Variants in CENPP observed in about 807,000 individuals in gnomAD.
CENPP encodes the protein centromere protein P.
A neutral mutation model predicts 35.6 loss-of-function variants in CENPP; 24 were observed. That is an observed-to-expected ratio of 0.67 (90% CI 0.49 to 0.95). The LOEUF (loss-of-function observed/expected upper bound fraction) is 0.95. Ranked by LOEUF, CENPP falls within the 40% of genes least tolerant of loss-of-function variation. The probability of loss-of-function intolerance (pLI) is 0.00; values close to 1 mark genes in which losing one functional copy is unlikely to be tolerated. For synonymous variants in CENPP, 120 were observed against 125.5 expected (o/e 0.96, Z 0.29); for missense variants, 332 against 345.3 (o/e 0.96, Z 0.31).
chr9:92,573,043 C>T (rs1245839695), intron 5 of CENPP, among the ~76,000 whole-genome samples: 4 of 152,118 alleles, frequency 2.6e-5, no homozygotes, highest in African/African-American at 9.7e-5. Context: ...CGAACATCCT[C>T]CTTTAGCTCA....
Position 92,355,264 on chromosome 9 carries a change from G to A in CENPP, c.467+9477G>A, listed in dbSNP as rs1208638732. 3.9e-5 allele frequency among the ~76,000 whole-genome samples: 6 copies of A among 152,194 alleles called. No individual in the cohort carries two copies. In the East Asian group the frequency reaches 1.2e-3, roughly 29 times the overall value. On this transcript the variant is annotated intron_variant, in intron 4 of 7. Coordinates refer to ENST00000375587, the MANE Select transcript of CENPP (RefSeq NM_001012267.3). ...GCATAAGACAGACATTCCCAGAGTG[G>A]CTGTTTATAGACCTCCCCCCAGGAA... is the stretch of plus-strand genomic sequence containing the variant.
chr9:92,377,809 G>A (rs934165096), intron 4 of CENPP, among the ~76,000 whole-genome samples: 40 of 152,154 alleles, frequency 2.6e-4, no homozygotes, highest in African/African-American at 8.2e-4. Flanking sequence ...CTATCCTGAG[G>A]CCAATGTGAA....
intron 5 of CENPP, among the ~76,000 whole-genome samples, chr9:92,416,052 A>ATGTGTG (rs1292606240): frequency 5.5e-5 from 5 of 90,670 alleles, no homozygotes; most frequent in African/African-American, 3.3e-5. Context: ...TATATTATAT[A>ATGTGTG]TGTGTGTATA....
At chr9:92,505,074 G>A (rs1379186853) in intron 5 of CENPP, among the ~76,000 whole-genome samples, 1 of 152,188 alleles carries the variant, frequency 6.6e-6, no homozygotes, top group Non-Finnish European at 1.5e-5. Flanking sequence ...GGCCTTCTTT[G>A]TACAACACTT....
chr9:92,567,397 G>GATAGATAGATAGAT (rs1318149536), intron 5 of CENPP, among the ~76,000 whole-genome samples: 1 of 51,584 alleles, frequency 1.9e-5, no homozygotes, highest in Non-Finnish European at 3.9e-5. Flanking sequence ...TATATATATA[G>GATAGATAGATAGAT]ATATATATAT....
At chr9:92,356,387 G>T (rs1467212830) in intron 4 of CENPP, among the ~76,000 whole-genome samples, 1 of 152,154 alleles carries the variant, frequency 6.6e-6, no homozygotes, top group Non-Finnish European at 1.5e-5. Context: ...GACCCCACAG[G>T]CAGTCAGACC....
intron 4 of CENPP, among the ~76,000 whole-genome samples, chr9:92,361,228 C>G (rs1841740159): frequency 2.0e-5 from 3 of 151,570 alleles, no homozygotes; most frequent in Middle Eastern, 6.8e-3. Context: ...GCAACCTCTG[C>G]CTCCCAGGCT....
Position 92,379,626 on chromosome 9 carries a change from A to G in CENPP, c.468-137A>G, listed in dbSNP as rs577126598. On this transcript the variant is annotated intron_variant, in intron 4 of 7. Coordinates refer to ENST00000375587, the MANE Select transcript of CENPP (RefSeq NM_001012267.3). ...CATACCAGAGGAACACACACACACA[A>G]GTGCAAGAATTGATATGTAGAACTA... 1.2e-4 allele frequency: 73 copies of G among 589,860 alleles called. No individual in the cohort carries two copies. In the South Asian group the frequency reaches 1.5e-3, roughly 12 times the overall value. 36.5% of individuals were successfully genotyped at this position (589,860 alleles called of 1,614,324 possible). A position where few individuals can be genotyped will look rare whatever the true frequency, so the allele number is the denominator to read the frequency against.
intron 4 of CENPP, among the ~76,000 whole-genome samples, chr9:92,378,059 A>T (rs1469840170): frequency 6.6e-6 from 1 of 152,126 alleles, no homozygotes; most frequent in African/African-American, 2.4e-5. Context: ...GAGATCAGAA[A>T]TGACATCCTT....
chr9:92,554,388 G>A (rs1849676567), intron 5 of CENPP, among the ~76,000 whole-genome samples: 1 of 152,056 alleles, frequency 6.6e-6, no homozygotes, highest in Non-Finnish European at 1.5e-5. Context: ...TCACCATTTT[G>A]GTCAGGCTGG....
intron 4 of CENPP, among the ~76,000 whole-genome samples, chr9:92,350,050 A>G (rs781534742): frequency 5.9e-5 from 9 of 152,182 alleles, no homozygotes; most frequent in Non-Finnish European, 1.2e-4. Flanking sequence ...GTCTGTTAAT[A>G]TTTTTGTGAA....
intron 5 of CENPP, among the ~76,000 whole-genome samples, chr9:92,497,188 TTAG>T (rs1407774129): frequency 6.6e-6 from 1 of 152,228 alleles, no homozygotes; most frequent in Non-Finnish European, 1.5e-5. Context: ...GGCATTATTT[TTAG>T]TAGTAAGAGT....
At position 92,619,693 on chromosome 9, in the gene CENPP, C is replaced by A. The variant is rs2296671; in HGVS notation, c.*6544C>A. 1.2e-6 allele frequency: 1 copy of A among 838,816 alleles called. No homozygotes were observed. The highest frequency in any genetic ancestry group is 2.7e-5 in the East Asian group (1 of 37,126). The allele number at this position is 838,816 out of a possible 1,614,324, so 52.0% of individuals were successfully genotyped here. The stretch of plus-strand genomic sequence containing the variant: ...CAGAACCTGAGGGTGGGATTAGGAG[C>A]GAGGGCCACGGTGAGCACGGGCGTC... On this transcript the variant is annotated 3_prime_UTR_variant, in exon 8 of 8. Transcript: ENST00000375587.
chr9:92,540,514 T>G (rs1420843121), intron 5 of CENPP, among the ~76,000 whole-genome samples: 1 of 151,900 alleles, frequency 6.6e-6, no homozygotes, highest in African/African-American at 2.4e-5. Flanking sequence ...GGCTCATGCC[T>G]GTAATCCCAG....
intron 5 of CENPP, among the ~76,000 whole-genome samples, chr9:92,607,461 G>A (rs149196215): frequency 2.6e-5 from 4 of 152,224 alleles, no homozygotes; most frequent in African/African-American, 9.6e-5. Context: ...ACATTTAGGG[G>A]GTGATGAAAT....
chr9:92,450,365 G>A (rs1274998511), intron 5 of CENPP, among the ~76,000 whole-genome samples: 11 of 151,270 alleles, frequency 7.3e-5, no homozygotes, highest in South Asian at 4.2e-4. Flanking sequence ...TTGTTCTTGC[G>A]ATAGTTTACT....
chr9:92,605,871 G>A (rs894615606), intron 5 of CENPP, among the ~76,000 whole-genome samples: 5 of 152,158 alleles, frequency 3.3e-5, no homozygotes, highest in South Asian at 2.1e-4. Context: ...CTCACAGACC[G>A]AGAGAATATT....
rs920995020 is a variant in CENPP, at chr9:92,468,818, G to A, written c.564+88959G>A. On this transcript the variant is annotated intron_variant, in intron 5 of 7. Transcript: ENST00000375587. ...GCTTTCCCTCCATTGCTCTACACCT[G>A]ACATGCATTTCTCAAAGGAAATCAA... Among the ~76,000 whole-genome samples, 7 of 152,252 alleles carry A rather than the reference G, an allele frequency of 4.6e-5. No individual in the cohort carries two copies. In the East Asian group the frequency reaches 1.2e-3, roughly 25 times the overall value.
chr9:92,404,537 G>A, intron 5 of CENPP: 1 of 1,298,776 alleles, frequency 7.7e-7, no homozygotes, highest in African/African-American at 1.5e-5. Flanking sequence ...TTCCTCAATA[G>A]ATGTTCATGT....
Sources: allele counts gnomAD v4.1 joint callset (sites outside exome capture counted in the v4.1 genomes callset), GRCh38; gene constraint gnomAD v4.1.1; transcripts MANE v1.5; gene names NCBI Gene and HGNC (gene_info 2026-07-23, HGNC 2026-07-21).